The following FAM13A variants were observed in gnomAD, a reference collection of about 807,000 sequenced individuals.
FAM13A encodes the protein family with sequence similarity 13 member A, also known as protein FAM13A.
Under a neutral mutation model 129.6 loss-of-function variants are expected in FAM13A, and 76 were observed. That is an observed-to-expected ratio of 0.59 (90% CI 0.49 to 0.71). FAM13A has a LOEUF of 0.71. FAM13A is among the 30% of genes least tolerant of loss of function. The probability of loss-of-function intolerance (pLI) is 0.00; values close to 1 mark genes in which losing one functional copy is unlikely to be tolerated. For synonymous variants in FAM13A, 443 were observed against 449.9 expected (o/e 0.98, Z 0.20); for missense variants, 1,108 against 1,249.3 (o/e 0.89, Z 1.70).
At chr4:88,823,075 G>C in intron 7 of FAM13A, 1 of 1,602,712 alleles carries the variant, frequency 6.2e-7, no homozygotes, top group Non-Finnish European at 8.5e-7. Flanking sequence ...TCTGTACAGT[G>C]AACGTCTTCT....
chr4:88,858,401 TTC>T (rs1461568919), intron 6 of FAM13A, among the ~76,000 whole-genome samples: 3 of 152,256 alleles, frequency 2.0e-5, no homozygotes, highest in Admixed American at 2.0e-4. Context: ...CAAATTTTCA[TTC>T]TGTTACATAA....
At chr4:89,051,511 A>G (rs905289396) in intron 1 of FAM13A, among the ~76,000 whole-genome samples, 2 of 152,212 alleles carry the variant, frequency 1.3e-5, no homozygotes, top group Non-Finnish European at 2.9e-5. Context: ...TCCTTTTCGC[A>G]TGCAAAATAC....
chr4:88,886,640 C>T (rs1157618255), intron 6 of FAM13A, among the ~76,000 whole-genome samples: 1 of 151,294 alleles, frequency 6.6e-6, no homozygotes, highest in Non-Finnish European at 1.5e-5. Context: ...GGTGCAGTGG[C>T]TCACGCCTAT....
At chr4:88,797,072 A>C (rs1438227836) in intron 8 of FAM13A, among the ~76,000 whole-genome samples, 1 of 152,064 alleles carries the variant, frequency 6.6e-6, no homozygotes. Flanking sequence ...TAGTTTCATT[A>C]CTTTCTTTGC....
chr4:89,002,897 T>C (rs574423703), intron 3 of FAM13A, among the ~76,000 whole-genome samples: 10 of 151,874 alleles, frequency 6.6e-5, no homozygotes, highest in African/African-American at 1.9e-4. Context: ...ATATTAAAAA[T>C]AGAAAAGCTA....
chr4:88,782,493 A>G (rs943530355), intron 10 of FAM13A, among the ~76,000 whole-genome samples: 1 of 152,186 alleles, frequency 6.6e-6, no homozygotes, highest in Non-Finnish European at 1.5e-5. Flanking sequence ...ATATTTTACT[A>G]TTGGCTCAAC....
chr4:89,020,342 C>G, intron 3 of FAM13A, 118 bp downstream of exon 3: 1 of 590,860 alleles, frequency 1.7e-6, no homozygotes, highest in Non-Finnish European at 2.8e-6. Context: ...GTCTTCAACT[C>G]CTGGCTTCAA....
At chr4:88,908,429 A>G (rs1257586631) in intron 5 of FAM13A, among the ~76,000 whole-genome samples, 1 of 152,214 alleles carries the variant, frequency 6.6e-6, no homozygotes, top group East Asian at 1.9e-4. Flanking sequence ...CTGTTAAGGG[A>G]AATTAGTAGA....
intron 4 of FAM13A, among the ~76,000 whole-genome samples, chr4:88,975,423 C>T (rs879759953): frequency 6.6e-6 from 1 of 152,116 alleles, no homozygotes. Flanking sequence ...AAACATGCCT[C>T]AATATATTTA....
intron 6 of FAM13A, among the ~76,000 whole-genome samples, chr4:88,874,954 T>C (rs558677518): frequency 7.0e-4 from 107 of 152,166 alleles, no homozygotes; most frequent in South Asian, 3.3e-3. Flanking sequence ...TATAGATCAA[T>C]GGAACAGAAC....
rs527260715 is a variant in FAM13A at position 88,906,412 on chromosome 4, T to C, written c.810A>G (p.Glu270=). 8.7e-6 allele frequency: 14 copies of C among 1,612,398 alleles called. No individual in the cohort carries two copies. The South Asian group carries it at 1.1e-4, about 13-fold the overall frequency. The change falls in exon 6 of 24, where the codon GAA becomes GAG. Residue 270 remains glutamate, a synonymous_variant. Transcript: ENST00000264344. ...SLPILLTRGL[E]RDMPKPPPKT... ...TTGGAGGTGGTTTTGGCATGTCTCT[T>C]TCTAAGCCTCTTGTTAAAAGGATGG...
At chr4:89,054,719 G>C (rs183251351) in intron 1 of FAM13A, among the ~76,000 whole-genome samples, 9 of 152,182 alleles carry the variant, frequency 5.9e-5, no homozygotes, top group African/African-American at 1.7e-4. Flanking sequence ...TCAGAAAAGA[G>C]ACTAAAAGCT....
intron 13 of FAM13A, among the ~76,000 whole-genome samples, chr4:88,766,796 G>A (rs767836601): frequency 6.6e-6 from 1 of 152,118 alleles, no homozygotes; most frequent in Non-Finnish European, 1.5e-5. Context: ...TAGAGGGAAC[G>A]TTCTCTTTAT....
At chr4:88,906,563 T>C in intron 5 of FAM13A, 101 bp from the exon 6 acceptor site, 1 of 759,190 alleles carries the variant, frequency 1.3e-6, no homozygotes, top group African/African-American at 1.8e-5. Context: ...AGAGCATTTC[T>C]GGATTGAGTT....
chr4:89,010,719 C>G (rs1765615324), intron 3 of FAM13A, among the ~76,000 whole-genome samples: 1 of 152,188 alleles, frequency 6.6e-6, no homozygotes, highest in Non-Finnish European at 1.5e-5. Context: ...GATAAACTGG[C>G]CCTCTGCCAT....
intron 4 of FAM13A, among the ~76,000 whole-genome samples, chr4:88,945,990 G>GTATGTATGTGTGTA (rs1553901196): frequency 3.2e-5 from 2 of 61,966 alleles, no homozygotes; most frequent in African/African-American, 1.7e-4. Flanking sequence ...GTGTGTGTGT[G>GTATGTATGTGTGTA]TATATATATA....
chr4:88,859,253 T>C (rs1028747489), intron 6 of FAM13A, among the ~76,000 whole-genome samples: 4 of 152,030 alleles, frequency 2.6e-5, no homozygotes, highest in African/African-American at 9.7e-5. Flanking sequence ...TCTATGCAAA[T>C]GGGAATGATT....
intron 11 of FAM13A, among the ~76,000 whole-genome samples, chr4:88,779,756 G>A (rs1722498050): frequency 6.6e-6 from 1 of 152,154 alleles, no homozygotes; most frequent in Admixed American, 6.5e-5. Flanking sequence ...ATTCTAAGGA[G>A]TAAATGTACT....
rs796450011 is a variant in FAM13A, at chr4:88,750,551, G to A, written c.1813C>T (p.Arg605Cys). The A allele has an allele frequency of 3.7e-6, 6 of 1,614,044 alleles. No homozygotes were observed. Among genetic ancestry groups the A allele is most frequent in the East Asian group, 2.2e-5 (1 of 44,880 alleles). The change falls in exon 15 of 24, where the codon CGT becomes TGT. Residue 605 changes from arginine to cysteine, a missense_variant. Transcript: ENST00000264344. Reference protein sequence around the residue: ...HLSPQAGRLIRQLLDEDSDPM... With the variant: ...HLSPQAGRLICQLLDEDSDPM... Reference sequence around the variant, plus strand: ...TCGCTGTCTTCGTCCAGCAGCTGACGGATCAGGCGCCCAGCCTGCGGCGAG... The same window carrying A: ...TCGCTGTCTTCGTCCAGCAGCTGACAGATCAGGCGCCCAGCCTGCGGCGAG...
Sources: allele counts gnomAD v4.1 joint callset (sites outside exome capture counted in the v4.1 genomes callset), GRCh38; gene constraint gnomAD v4.1.1; transcripts MANE v1.5; gene names NCBI Gene and HGNC (gene_info 2026-07-23, HGNC 2026-07-21).